Variants in CDC14B observed in about 807,000 individuals in gnomAD.
CDC14B encodes the protein cell division cycle 14B.
Under a neutral mutation model 64.2 loss-of-function variants are expected in CDC14B, and 22 were observed. That is an observed-to-expected ratio of 0.34 (90% CI 0.24 to 0.49). The LOEUF (loss-of-function observed/expected upper bound fraction) is 0.49. Among genes scored for constraint, CDC14B ranks in the 20% least tolerant of loss-of-function variants. The pLI, the probability that CDC14B is intolerant of heterozygous loss-of-function variation, is 0.99. For synonymous variants in CDC14B, 191 were observed against 215.8 expected (o/e 0.89, Z 1.01); for missense variants, 498 against 629.9 (o/e 0.79, Z 2.24).
intron 7 of CDC14B, among the ~76,000 whole-genome samples, chr9:96,535,795 C>T (rs367735575): frequency 2.9e-5 from 4 of 137,974 alleles, no homozygotes; most frequent in African/African-American, 7.1e-5. Flanking sequence ...TCTAAACAGC[C>T]GGGTGCAGTG....
At chr9:96,545,843 T>C (rs1351609232) in intron 5 of CDC14B, among the ~76,000 whole-genome samples, 1 of 151,528 alleles carries the variant, frequency 6.6e-6, no homozygotes, top group Non-Finnish European at 1.5e-5. Flanking sequence ...ACGACAAGAA[T>C]CTTTGCTCAC....
intron 1 of CDC14B, among the ~76,000 whole-genome samples, chr9:96,585,398 T>G (rs1845402327): frequency 6.6e-6 from 1 of 152,010 alleles, no homozygotes; most frequent in Admixed American, 6.6e-5. Context: ...GGGTGATGTT[T>G]CCCTCCCTGT....
intron 1 of CDC14B, among the ~76,000 whole-genome samples, chr9:96,604,627 G>A (rs1433597956): frequency 1.3e-5 from 2 of 151,622 alleles, no homozygotes; most frequent in Non-Finnish European, 2.9e-5. Flanking sequence ...TAATCCACCT[G>A]CCTTACAGGC....
In CDC14B at chr9:96,503,750, T is replaced by A; in HGVS notation, c.*3A>T. 1.9e-6 allele frequency: 3 copies of A among 1,613,620 alleles called. No homozygotes were observed. Among genetic ancestry groups the A allele is most frequent in the Non-Finnish European group, 1.7e-6 (2 of 1,179,562 alleles). On this transcript the variant is annotated 3_prime_UTR_variant, in exon 14 of 14. Coordinates refer to ENST00000375241, the MANE Select transcript of CDC14B (RefSeq NM_033331.4). ...TCCTTCAGCTCTGGTCACAGGTTTT[T>A]ACTTAACGCAAGACTGTTTTAGTCC...
chr9:96,515,730 T>A lies in CDC14B; in HGVS notation c.1344-5941A>T, dbSNP rs1023823211. The A allele has an allele frequency of 8.7e-6, 14 of 1,606,116 alleles. No homozygotes were observed. The highest frequency in any genetic ancestry group is 1.1e-5 in the South Asian group (1 of 89,416). ...GAATAGCAGGATGGGAAGAATGTAG[T>A]CACAAACAATCCACCAGATGACAAC... On this transcript the variant is annotated intron_variant, in intron 12 of 13. Coordinates refer to ENST00000375241, the MANE Select transcript of CDC14B (RefSeq NM_033331.4). The surrounding 1 kb of genome is among the most constrained non-coding windows in gnomAD (Gnocchi z 4.3).
chr9:96,607,353 A>ATT (rs71273970), intron 1 of CDC14B, among the ~76,000 whole-genome samples: 38 of 127,842 alleles, frequency 3.0e-4, no homozygotes, highest in Middle Eastern at 5.1e-3. Flanking sequence ...ATTTCATTAA[A>ATT]TTTTTTTTTT....
chr9:96,601,122 T>C (rs1008822561), intron 1 of CDC14B, among the ~76,000 whole-genome samples: 4 of 152,084 alleles, frequency 2.6e-5, no homozygotes, highest in Admixed American at 6.6e-5. Context: ...ATATGCGACA[T>C]AGCAAGACTC....
intron 9 of CDC14B, among the ~76,000 whole-genome samples, chr9:96,527,315 C>A (rs1022718889): frequency 2.6e-5 from 4 of 152,140 alleles, no homozygotes; most frequent in African/African-American, 4.8e-5. Context: ...AGGAGAATGG[C>A]GTGAACCTGG....
intron 1 of CDC14B, among the ~76,000 whole-genome samples, chr9:96,584,632 C>T (rs1345507222): frequency 1.3e-5 from 2 of 152,146 alleles, no homozygotes; most frequent in Non-Finnish European, 2.9e-5. Context: ...AATTTCTTGG[C>T]AATTAATAAA....
chr9:96,610,303 A>G (rs1847232893), intron 1 of CDC14B, among the ~76,000 whole-genome samples: 2 of 152,190 alleles, frequency 1.3e-5, no homozygotes, highest in South Asian at 2.1e-4. Context: ...GGTTCACGCC[A>G]TTCTCCTGCC....
chr9:96,557,096 A>G (rs1842596101), intron 4 of CDC14B, among the ~76,000 whole-genome samples: 2 of 152,238 alleles, frequency 1.3e-5, no homozygotes, highest in South Asian at 4.1e-4. Context: ...AACAGCACCC[A>G]GCAAGCACCA....
chr9:96,499,760 G>A (rs1000729630), downstream of CDC14B, among the ~76,000 whole-genome samples: 8 of 152,192 alleles, frequency 5.3e-5, no homozygotes, highest in East Asian at 3.9e-4. Flanking sequence ...TGAGGCCATC[G>A]GGGTAAGCCC....
At position 96,541,910 on chromosome 9, in the gene CDC14B, TA is replaced by T. The variant is rs1212653354; in HGVS notation, c.498-19del. ...CAGCATCTCTGAAACCCAAGAGTAA[TA>T]AAATGTAGATCAGTTAATTTTCTGC... On this transcript the variant is annotated intron_variant, in intron 5 of 13. Transcript: ENST00000375241. 1 of 1,581,128 alleles carries T rather than the reference TA, an allele frequency of 6.3e-7. No homozygotes were observed. Among genetic ancestry groups the T allele is most frequent in the Non-Finnish European group, 8.7e-7 (1 of 1,153,880 alleles).
At chr9:96,565,959 T>C (rs563833826) in intron 1 of CDC14B, among the ~76,000 whole-genome samples, 2 of 152,374 alleles carry the variant, frequency 1.3e-5, no homozygotes, top group African/African-American at 4.8e-5. Flanking sequence ...CTTACAGCTA[T>C]AGAACAAACC....
intron 7 of CDC14B, among the ~76,000 whole-genome samples, chr9:96,535,093 G>T (rs1021198298): frequency 6.6e-6 from 1 of 152,152 alleles, no homozygotes; most frequent in African/African-American, 2.4e-5. Context: ...AATTTAAAAA[G>T]TTCATTTGTT....
intron 9 of CDC14B, among the ~76,000 whole-genome samples, chr9:96,526,434 C>T (rs560042129): frequency 4.5e-4 from 69 of 152,296 alleles, no homozygotes; most frequent in African/African-American, 1.6e-3. Flanking sequence ...AGATGACAGA[C>T]ATCTGCACTG....
At chr9:96,522,689 C>T (rs1018077537) in intron 11 of CDC14B, 86 bp from the exon 12 acceptor site, 4 of 854,292 alleles carry the variant, frequency 4.7e-6, no homozygotes, top group Non-Finnish European at 7.9e-6. Flanking sequence ...TCCACATGAA[C>T]ACAGTCCAAG....
intron 5 of CDC14B, among the ~76,000 whole-genome samples, chr9:96,546,454 G>A (rs542360449): frequency 3.4e-5 from 5 of 148,852 alleles, no homozygotes; most frequent in South Asian, 4.2e-4. Context: ...TTTTTTTTGC[G>A]GGGAGTGGGG....
downstream of CDC14B, among the ~76,000 whole-genome samples, chr9:96,497,553 A>T (rs1345928490): frequency 6.6e-6 from 1 of 152,172 alleles, no homozygotes; most frequent in Non-Finnish European, 1.5e-5. Context: ...CCCCCTACCC[A>T]CGGCGCTGAG....
Sources: allele counts gnomAD v4.1 joint callset (sites outside exome capture counted in the v4.1 genomes callset), GRCh38; gene constraint gnomAD v4.1.1; non-coding constraint Gnocchi (gnomAD v3.1); transcripts MANE v1.5; gene names NCBI Gene and HGNC (gene_info 2026-07-23, HGNC 2026-07-21).